Variants in KCNIP1 observed in about 807,000 individuals in gnomAD.
KCNIP1 encodes the protein potassium voltage-gated channel interacting protein 1, also known as A-type potassium channel modulatory protein KCNIP1.
A neutral mutation model predicts 33.0 loss-of-function variants in KCNIP1; 18 were observed. The observed-to-expected ratio is 0.55, with a 90% CI of 0.38 to 0.81. KCNIP1 has a LOEUF of 0.81. KCNIP1 is among the 30% of genes least tolerant of loss of function. The pLI is 0.00. For synonymous variants in KCNIP1, 93 were observed against 98.3 expected, an observed-to-expected ratio of 0.95 and a Z score of 0.32; for missense variants, 238 against 271.6, an observed-to-expected ratio of 0.88 and a Z score of 0.87.
intron 1 of KCNIP1, among the ~76,000 whole-genome samples, chr5:170,369,456 G>C (rs567850836): frequency 6.6e-6 from 1 of 152,228 alleles, no homozygotes; most frequent in Non-Finnish European, 1.5e-5. Context: ...ACTAAGTAAA[G>C]TGCTACAGCT....
At chr5:170,467,859 A>C (rs1679989985) in intron 1 of KCNIP1, among the ~76,000 whole-genome samples, 1 of 143,490 alleles carries the variant, frequency 7.0e-6, no homozygotes, top group African/African-American at 2.6e-5. Context: ...TGGAGGTTGC[A>C]GTGAGCTGAG....
chr5:170,655,807 G>A (rs184061207), intron 1 of KCNIP1, among the ~76,000 whole-genome samples: 332 of 152,318 alleles, frequency 2.2e-3, no homozygotes, highest in African/African-American at 7.8e-3. Context: ...TGTTCCCGCT[G>A]TGGGGGGAAA....
At chr5:170,390,835 C>G (rs1754556408) in intron 1 of KCNIP1, among the ~76,000 whole-genome samples, 1 of 152,044 alleles carries the variant, frequency 6.6e-6, no homozygotes, top group Non-Finnish European at 1.5e-5. Flanking sequence ...GGAGGTCACC[C>G]TGAGTTTCCC....
chr5:170,597,815 ATATATATATATATATG>A (rs1451139968), intron 1 of KCNIP1, among the ~76,000 whole-genome samples: 1 of 31,446 alleles, frequency 3.2e-5, no homozygotes, highest in Non-Finnish European at 1.3e-4. Flanking sequence ...ATATATATAT[ATATATATATATATATG>A]AAAGAAAGAA....
chr5:170,451,771 T>G (rs76275986), intron 1 of KCNIP1, among the ~76,000 whole-genome samples: 66 of 50,332 alleles, frequency 1.3e-3, no homozygotes, highest in African/African-American at 2.7e-3. Context: ...GTGTGTGTGT[T>G]TGCAGGGGGA....
At chr5:170,513,550 A>G (rs1755018561) in intron 1 of KCNIP1, among the ~76,000 whole-genome samples, 1 of 152,216 alleles carries the variant, frequency 6.6e-6, no homozygotes, top group Non-Finnish European at 1.5e-5. Context: ...ACCAGCCATC[A>G]TCTTAGCTGT....
intron 1 of KCNIP1, among the ~76,000 whole-genome samples, chr5:170,540,681 A>T (rs1268272781): frequency 6.6e-6 from 1 of 152,170 alleles, no homozygotes; most frequent in South Asian, 2.1e-4. Context: ...CAGAAACTCC[A>T]GTGGGCTTAC....
intron 1 of KCNIP1, among the ~76,000 whole-genome samples, chr5:170,690,254 A>C (rs2113813369): frequency 6.6e-6 from 1 of 150,952 alleles, no homozygotes; most frequent in Non-Finnish European, 1.5e-5. Context: ...AACAGCAAAA[A>C]CTCCACCTCC....
chr5:170,586,881 T>C (rs1245987649), intron 1 of KCNIP1, among the ~76,000 whole-genome samples: 1 of 152,212 alleles, frequency 6.6e-6, no homozygotes, highest in Non-Finnish European at 1.5e-5. Context: ...TCTCTATGCC[T>C]GCCACTGTGC....
intron 5 of KCNIP1, among the ~76,000 whole-genome samples, chr5:170,730,045 A>C (rs2113891887): frequency 6.6e-6 from 1 of 152,262 alleles, no homozygotes; most frequent in East Asian, 1.9e-4. Context: ...ATCATGAAAG[A>C]GTAATATAAA....
rs1282243832 is a variant in KCNIP1 at position 170,583,415 on chromosome 5, G to A, written c.61+78782G>A. Among the ~76,000 whole-genome samples, 8 of 150,644 alleles carry A rather than the reference G, an allele frequency of 5.3e-5. No individual in the cohort carries two copies. In the East Asian group the frequency reaches 1.5e-3, roughly 29 times the overall value. Reference sequence around the variant, plus strand: ...GGAGTAAGATGTTGTGATCGAGATCGTGGTGGTGATGATGATGATGGGGAG... The same window carrying A: ...GGAGTAAGATGTTGTGATCGAGATCATGGTGGTGATGATGATGATGGGGAG... On this transcript the variant is annotated intron_variant, in intron 1 of 7. Coordinates refer to ENST00000328939, the MANE Select transcript of KCNIP1 (RefSeq NM_014592.4).
chr5:170,404,520 C>T (rs1247441081), intron 1 of KCNIP1, among the ~76,000 whole-genome samples: 2 of 152,058 alleles, frequency 1.3e-5, no homozygotes, highest in East Asian at 3.9e-4. Flanking sequence ...CCAGGGGCCT[C>T]CCTTGTGTCA....
rs1409491593 is a variant in KCNIP1, at chr5:170,598,896, T to TGTGCGC, written c.61+94266_61+94267insCGCGTG. 5.7e-3 allele frequency among the ~76,000 whole-genome samples: 689 copies of TGTGCGC among 121,476 alleles called. 3 individuals carry two copies. Among genetic ancestry groups the TGTGCGC allele is most frequent in the African/African-American group, 0.019 (641 of 32,908 alleles). 79.7% of individuals were successfully genotyped at this position (121,476 alleles called of 152,430 possible). A position where few individuals can be genotyped will look rare whatever the true frequency, so the allele number is the denominator to read the frequency against. On this transcript the variant is annotated intron_variant, in intron 1 of 7. Transcript: ENST00000328939. ...CTCGTTCCCATAGCCCCGCTGTGTG[T>TGTGCGC]GTGTGCGCGTGTGTGTGTGTGTGTG...
chr5:170,692,376 C>T (rs553013082), intron 1 of KCNIP1, among the ~76,000 whole-genome samples: 2 of 152,310 alleles, frequency 1.3e-5, no homozygotes, highest in African/African-American at 4.8e-5. Flanking sequence ...ATCCCCCAGG[C>T]TTGGAGAAGC....
intron 1 of KCNIP1, chr5:170,678,928 C>G (rs1022495498): frequency 2.0e-5 from 3 of 152,110 alleles, no homozygotes; most frequent in Non-Finnish European, 4.4e-5. Context: ...ATTGACTTAC[C>G]AGAAACATGG....
chr5:170,494,062 T>A (rs187211843), intron 1 of KCNIP1, among the ~76,000 whole-genome samples: 13 of 152,292 alleles, frequency 8.5e-5, no homozygotes, highest in Admixed American at 5.9e-4. Flanking sequence ...ACTGGCAGTG[T>A]GGGAACCAGG....
At chr5:170,407,405 GAT>G (rs1755064025) in intron 1 of KCNIP1, among the ~76,000 whole-genome samples, 1 of 152,206 alleles carries the variant, frequency 6.6e-6, no homozygotes, top group Non-Finnish European at 1.5e-5. Context: ...TGCCTTGGCT[GAT>G]ACTTTTATTT....
rs150551326 is a variant in KCNIP1, at chr5:170,648,815, G to C, written c.62-69943G>C. 1.5e-3 allele frequency among the ~76,000 whole-genome samples: 232 copies of C among 152,298 alleles called. 1 individual carries two copies. The highest frequency in any genetic ancestry group is 5.3e-3 in the African/African-American group (219 of 41,560). On this transcript the variant is annotated intron_variant, in intron 1 of 7. Coordinates refer to ENST00000328939, the MANE Select transcript of KCNIP1 (RefSeq NM_014592.4). ...CAGTTATTACAAATGCATCATCCTGGTGTGGGATGTTGATGGTGGGGGAAG... is the reference window on the plus strand; with the variant it reads ...CAGTTATTACAAATGCATCATCCTGCTGTGGGATGTTGATGGTGGGGGAAG...
intron 1 of KCNIP1, among the ~76,000 whole-genome samples, chr5:170,683,889 A>AGT (rs756936341): frequency 0.049 from 6,087 of 124,594 alleles, 294 homozygotes; most frequent in East Asian, 0.21. Flanking sequence ...ATGCCCAGCT[A>AGT]GTGTATGTGT....
Sources: allele counts gnomAD v4.1 joint callset (sites outside exome capture counted in the v4.1 genomes callset), GRCh38; gene constraint gnomAD v4.1.1; transcripts MANE v1.5; gene names NCBI Gene and HGNC (gene_info 2026-07-23, HGNC 2026-07-21).